The following DST variants were observed in gnomAD, a reference collection of about 807,000 sequenced individuals.
DST encodes the protein dystonin, also known as bullous pemphigoid antigen.
A neutral mutation model predicts 875.2 loss-of-function variants in DST; 253 were observed. That is an observed-to-expected ratio of 0.29 (90% confidence interval 0.26 to 0.32). DST has a LOEUF of 0.32. Among genes scored for constraint, DST ranks in the 10% least tolerant of loss-of-function variants. The probability of loss-of-function intolerance (pLI) is 1.00; values close to 1 mark genes in which losing one functional copy is unlikely to be tolerated. For missense variants in DST, 8,287 were observed against 9,111.6 expected (o/e 0.91, Z 3.68); for synonymous variants, 3,124 against 3,197.1 (o/e 0.98, Z 0.77).
At chr6:56,838,746 T>C (rs563862402) in intron 4 of DST, among the ~76,000 whole-genome samples, 25 of 152,362 alleles carry the variant, frequency 1.6e-4, no homozygotes, top group African/African-American at 6.0e-4. Flanking sequence ...ACACTCCTTA[T>C]TGTGTGAGGC....
At chr6:56,808,619 G>A (rs999255610) in intron 4 of DST, among the ~76,000 whole-genome samples, 3 of 152,086 alleles carry the variant, frequency 2.0e-5, no homozygotes, top group Non-Finnish European at 4.4e-5. Flanking sequence ...AGAAGACTAC[G>A]GATGTGGCTA....
At chr6:56,602,091 ATG>A (rs1406459433) in intron 43 of DST, 2 of 329,164 alleles carry the variant, frequency 6.1e-6, no homozygotes, top group Non-Finnish European at 1.2e-5. Context: ...GATTTGAAAT[ATG>A]AATGAAATAT....
At chr6:56,649,575 T>TG (rs949742154) in intron 12 of DST, among the ~76,000 whole-genome samples, 12 of 143,206 alleles carry the variant, frequency 8.4e-5, no homozygotes, top group African/African-American at 2.9e-4. Flanking sequence ...TAATTATTGA[T>TG]GGGGGGAGGT....
chr6:56,942,468 G>T (rs1375517042), intron 2 of DST, among the ~76,000 whole-genome samples: 1 of 151,734 alleles, frequency 6.6e-6, no homozygotes, highest in Non-Finnish European at 1.5e-5. Flanking sequence ...TTATCTCTTG[G>T]GTTTCCTTTT....
chr6:56,474,275 G>C, intron 92 of DST: 1 of 286,966 alleles, frequency 3.5e-6, no homozygotes, highest in Non-Finnish European at 6.6e-6. Flanking sequence ...CCTGAGGTCA[G>C]GAGTTTGAGA....
chr6:56,545,344 C>A (rs7761281), intron 61 of DST, among the ~76,000 whole-genome samples: 108,401 of 151,416 alleles, frequency 0.72, 39,170 homozygotes, highest in East Asian at 0.81. Context: ...TAATAAGGTA[C>A]GTAAAGTTTT....
chr6:56,629,091 A>G (rs1383171894), intron 32 of DST, among the ~76,000 whole-genome samples, 159 bp downstream of exon 32: 1 of 152,190 alleles, frequency 6.6e-6, no homozygotes, highest in Non-Finnish European at 1.5e-5. Context: ...TGTCTTACTA[A>G]AGTCCTCCAA....
chr6:56,642,380 CA>C (rs761963539), intron 16 of DST, 29 bp downstream of exon 16: 1 of 1,511,624 alleles, frequency 6.6e-7, no homozygotes, highest in Admixed American at 1.7e-5. Flanking sequence ...TCCTCTACCA[CA>C]ACCCCAATGG....
At chr6:56,722,758 A>G (rs560302772) in intron 5 of DST, among the ~76,000 whole-genome samples, 11 of 152,356 alleles carry the variant, frequency 7.2e-5, no homozygotes, top group Non-Finnish European at 1.0e-4. Context: ...TTGTAGAAAT[A>G]AAAAGCGGCT....
chr6:56,463,119 C>G lies in DST; in HGVS notation c.22997G>C (p.Trp7666Ser), dbSNP rs1035396080. Residue 7666 changes from tryptophan to serine, a missense_variant, in exon 102 of 104, where the codon TGG becomes TCG. Trp to Ser is a radical substitution (Grantham distance 177, BLOSUM62 -3). Around this residue, in one of 10 missense-constraint regions of DST, gnomAD observed 240 missense variants for 237.3 expected, o/e 1.01. Transcript: ENST00000680361. ...HPLTRNYGKP[W>S]LTNSKMSTPC... ...AGTTGACATTTTGCTGTTTGTCAAC[C>G]ATGGTTTACCATAATTGCGTGTTAA... is the stretch of plus-strand genomic sequence containing the variant. 8 of 1,613,160 alleles carry G rather than the reference C, an allele frequency of 5.0e-6. No individual in the cohort carries two copies. Among genetic ancestry groups the G allele is most frequent in the Non-Finnish European group, 6.8e-6 (8 of 1,179,494 alleles).
chr6:56,501,837 C>A, intron 78 of DST, 144 bp from the exon 79 acceptor site: 1 of 514,010 alleles, frequency 1.9e-6, no homozygotes, highest in East Asian at 3.5e-5. Flanking sequence ...ATGAGGCTTA[C>A]CAATGGAAGA....
chr6:56,501,501 G>T lies in DST; in HGVS notation c.19740+19C>A. The T allele has an allele frequency of 2.1e-6, 3 of 1,459,216 alleles. No individual in the cohort carries two copies. Among genetic ancestry groups the T allele is most frequent in the East Asian group, 2.6e-5 (1 of 38,718 alleles). The allele number at this position is 1,459,216 out of a possible 1,614,324, so 90.4% of individuals were successfully genotyped here. A position where few individuals can be genotyped will look rare whatever the true frequency, so the allele number is the denominator to read the frequency against. On this transcript the variant is annotated intron_variant, in intron 79 of 103. Transcript: ENST00000680361. ...AAATTGAAAATTTATAATTTCTTAA[G>T]AAAAGTCTTGGTATTTACCTGTCTG... is the stretch of plus-strand genomic sequence containing the variant.
chr6:56,641,482 G>A (rs2098901355), intron 17 of DST, among the ~76,000 whole-genome samples: 1 of 152,006 alleles, frequency 6.6e-6, no homozygotes, highest in Admixed American at 6.6e-5. Flanking sequence ...CAGCTACTAG[G>A]GAGGCTGAGA....
In DST at chr6:56,638,070, T is replaced by G. The variant is rs149023860; in HGVS notation, c.2964+1189A>C. ...GGACAGGCCGATGGGATCATAAAGA[T>G]GACTAAGGTTTCATTTTACTTCTTA... On this transcript the variant is annotated intron_variant, in intron 22 of 103. Coordinates refer to ENST00000680361, the MANE Select transcript of DST (RefSeq NM_001374736.1). Among the ~76,000 whole-genome samples, 892 of 152,208 alleles carry G rather than the reference T, an allele frequency of 5.9e-3. 4 individuals carry two copies. The highest frequency in any genetic ancestry group is 0.021 in the African/African-American group (852 of 41,510).
At chr6:56,610,195 C>T (rs2098533534) in intron 39 of DST, among the ~76,000 whole-genome samples, 1 of 152,136 alleles carries the variant, frequency 6.6e-6, no homozygotes, top group Non-Finnish European at 1.5e-5. Flanking sequence ...TGATACTTTT[C>T]TTTTACCATG....
At chr6:56,856,811 T>C (rs1768097164) in intron 3 of DST, among the ~76,000 whole-genome samples, 1 of 152,342 alleles carries the variant, frequency 6.6e-6, no homozygotes, top group South Asian at 2.1e-4. Context: ...ATTGTGGTTA[T>C]GCAGGAAAGT....
chr6:56,514,128 A>G (rs1348782319), intron 72 of DST, among the ~76,000 whole-genome samples: 3 of 152,214 alleles, frequency 2.0e-5, no homozygotes, highest in East Asian at 3.9e-4. Context: ...AAAAAACTCA[A>G]TTTTTAAAAT....
At chr6:56,665,020 T>C (rs1032321227) in intron 10 of DST, among the ~76,000 whole-genome samples, 1 of 152,194 alleles carries the variant, frequency 6.6e-6, no homozygotes, top group Non-Finnish European at 1.5e-5. Flanking sequence ...CTAAATCATA[T>C]AACTTTGTCA....
At chr6:56,937,335 A>C (rs1357675957) in intron 2 of DST, among the ~76,000 whole-genome samples, 2 of 152,206 alleles carry the variant, frequency 1.3e-5, no homozygotes, top group Non-Finnish European at 2.9e-5. Flanking sequence ...AGAAAAAAAA[A>C]TCAATTTTAC....
Sources: allele counts gnomAD v4.1 joint callset (sites outside exome capture counted in the v4.1 genomes callset), GRCh38; gene constraint gnomAD v4.1.1; regional missense constraint gnomAD v4.1.1; transcripts MANE v1.5; gene names NCBI Gene and HGNC (gene_info 2026-07-23, HGNC 2026-07-21).